Variants in GSG1 observed in about 807,000 individuals in gnomAD.
GSG1 encodes the protein germ cell associated 1, also known as germ cell-specific gene 1 protein.
GSG1 carries 28 observed loss-of-function variants against 30.8 expected under a neutral mutation model. The observed-to-expected ratio is 0.91, with a 90% CI of 0.67 to 1.25. The LOEUF (loss-of-function observed/expected upper bound fraction) is 1.25. Among genes scored for constraint, GSG1 ranks in the 50% most tolerant of loss-of-function variants. The pLI, the probability that GSG1 is intolerant of heterozygous loss-of-function variation, is 0.00. For synonymous variants in GSG1, 162 were observed against 178.0 expected (o/e 0.91, Z 0.71); for missense variants, 435 against 444.7 (o/e 0.98, Z 0.20).
intron 4 of GSG1, 146 bp from the exon 5 acceptor site, chr12:13,088,205 C>G (rs1357209903): frequency 3.7e-6 from 3 of 813,200 alleles, no homozygotes; most frequent in Middle Eastern, 3.6e-4. Context: ...CAGGGAGGAA[C>G]ATTACTTCAT....
Position 13,090,601 on chromosome 12 carries a change from A to G in GSG1, c.266T>C (p.Val89Ala). The change falls in exon 2 of 7, where the codon GTG becomes GCG. Residue 89 changes from valine to alanine, a missense_variant. Physicochemically the swap from Val to Ala is moderately conservative, Grantham distance 64 (BLOSUM62 0). Coordinates refer to ENST00000651961, the MANE Select transcript of GSG1 (RefSeq NM_001080555.4). Reference sequence around the variant, plus strand: ...CCCAGTCTCCCAGTTGTATTGTACCACCTCCTGGGTGGATGTGTTGGTATC... The same window carrying G: ...CCCAGTCTCCCAGTTGTATTGTACCGCCTCCTGGGTGGATGTGTTGGTATC... ...DGDTNTSTQE[V>A]VQYNWETGDD... 1 of 1,613,994 alleles carries G rather than the reference A, an allele frequency of 6.2e-7. No homozygotes were observed. The highest frequency in any genetic ancestry group is 8.5e-7 in the Non-Finnish European group (1 of 1,180,000).
At chr12:13,095,613 G>A in intron 1 of GSG1, 1 of 1,614,208 alleles carries the variant, frequency 6.2e-7, no homozygotes, top group Non-Finnish European at 8.5e-7. Context: ...GCCATGGTCA[G>A]CGTCTTGCAG....
rs1308512071 is a variant in GSG1 at position 13,083,878 on chromosome 12, G to C, written c.*1023C>G. On this transcript the variant is annotated 3_prime_UTR_variant, in exon 7 of 7. Transcript: ENST00000651961. ...AGGGCATAAACTCATCCTTCTTTAT[G>C]GCTGCATAGTATTCCATGGTGTATA... The C allele has an allele frequency of 6.6e-6, 1 of 151,978 alleles. No homozygotes were observed. The highest frequency in any genetic ancestry group is 2.4e-5 in the African/African-American group (1 of 41,336). The allele number at this position is 151,978 out of a possible 1,614,324, so 9.4% of individuals were successfully genotyped here. A position where few individuals can be genotyped will look rare whatever the true frequency, so the allele number is the denominator to read the frequency against.
At chr12:13,092,128 G>A (rs1866206861) in intron 1 of GSG1, among the ~76,000 whole-genome samples, 1 of 152,234 alleles carries the variant, frequency 6.6e-6, no homozygotes, top group Non-Finnish European at 1.5e-5. Flanking sequence ...TTAGAATGAG[G>A]AATGCAGAAG....
intron 1 of GSG1, among the ~76,000 whole-genome samples, chr12:13,092,375 G>A (rs541758054): frequency 1.3e-5 from 2 of 151,734 alleles, no homozygotes; most frequent in Non-Finnish European, 2.9e-5. Flanking sequence ...CAGATTGAGC[G>A]AGAGAGAGAG....
chr12:13,091,746 A>G (rs564615225), intron 1 of GSG1, among the ~76,000 whole-genome samples: 5 of 152,326 alleles, frequency 3.3e-5, no homozygotes, highest in African/African-American at 1.2e-4. Context: ...ATGTCCAATC[A>G]TATTTCTATG....
intron 4 of GSG1, 25 bp downstream of exon 4, chr12:13,088,837 G>T: frequency 6.2e-7 from 1 of 1,614,158 alleles, no homozygotes; most frequent in Non-Finnish European, 8.5e-7. Context: ...TTGCAACGTG[G>T]CAAATTCCAG....
intron 4 of GSG1, 38 bp downstream of exon 4, chr12:13,088,824 G>A: frequency 1.2e-6 from 2 of 1,614,168 alleles, no homozygotes; most frequent in South Asian, 1.1e-5. Flanking sequence ...GGTGACATGG[G>A]CCTTGCAACG....
Position 13,087,943 on chromosome 12 carries a change from G to T in GSG1, c.598C>A (p.Leu200Met). Residue 200 changes from leucine (L) to methionine (M), a missense_variant, in exon 5 of 7, where the codon CTG (leucine) becomes ATG (methionine). Coordinates refer to ENST00000651961, the MANE Select transcript of GSG1 (RefSeq NM_001080555.4). ...LTGNPACGLK[L>M]SAFAAVSSVL... ...GAGGAAACAGCAGCAAAGGCGCTCA[G>T]TTTGAGCCCACAGGCAGGGTTCCCA... 1 of 1,614,208 alleles carries T rather than the reference G, an allele frequency of 6.2e-7. No homozygotes were observed. The highest frequency in any genetic ancestry group is 8.5e-7 in the Non-Finnish European group (1 of 1,180,034).
rs756934437 is a variant in GSG1, at chr12:13,090,545, T to C, written c.322A>G (p.Ser108Gly). The C allele has an allele frequency of 6.2e-7, 1 of 1,614,096 alleles. No individual in the cohort carries two copies. Among genetic ancestry groups the C allele is most frequent in the Admixed American group, 1.7e-5 (1 of 60,034 alleles). ...DDRFSFRSFR[S>G]GMWLSCEETV... Reference sequence around the variant, plus strand: ...TCCTCACAGGATAGCCACATGCCACTCCGGAAGCTCCGGAAGGAGAACCGG... The same window carrying C: ...TCCTCACAGGATAGCCACATGCCACCCCGGAAGCTCCGGAAGGAGAACCGG... The change falls in exon 2 of 7, where the codon AGT becomes GGT. Residue 108 changes from serine to glycine, a missense_variant. Physicochemically the swap from Ser to Gly is moderately conservative, Grantham distance 56 (BLOSUM62 0). Transcript: ENST00000651961.
At chr12:13,099,115 T>A (rs1053527438) in intron 1 of GSG1, among the ~76,000 whole-genome samples, 2 of 152,084 alleles carry the variant, frequency 1.3e-5, no homozygotes, top group Admixed American at 6.5e-5. Flanking sequence ...CAGTCTTGAT[T>A]CCCCCTCCCC....
chr12:13,087,558 A>T (rs915827002), intron 5 of GSG1, among the ~76,000 whole-genome samples: 1 of 152,062 alleles, frequency 6.6e-6, no homozygotes, highest in Non-Finnish European at 1.5e-5. Context: ...CCACACCCCA[A>T]TGTTGGCTTA....
At chr12:13,086,370 A>C (rs1239380647) in intron 6 of GSG1, among the ~76,000 whole-genome samples, 4 of 152,302 alleles carry the variant, frequency 2.6e-5, no homozygotes, top group East Asian at 3.9e-4. Flanking sequence ...AGGGCCTCAC[A>C]ACAGACTTGC....
intron 1 of GSG1, among the ~76,000 whole-genome samples, chr12:13,096,146 A>G (rs1413188519): frequency 6.6e-6 from 1 of 152,160 alleles, no homozygotes; most frequent in South Asian, 2.1e-4. Context: ...TCCTTGTTCC[A>G]TGGGTGGTCT....
chr12:13,098,773 C>T (rs1299010567), intron 1 of GSG1, among the ~76,000 whole-genome samples: 2 of 152,074 alleles, frequency 1.3e-5, no homozygotes, highest in African/African-American at 4.8e-5. Context: ...ATTGCCTCTG[C>T]TCATAAACTG....
intron 1 of GSG1, among the ~76,000 whole-genome samples, chr12:13,091,271 C>G (rs1866110174): frequency 6.6e-6 from 1 of 152,206 alleles, no homozygotes; most frequent in Non-Finnish European, 1.5e-5. Context: ...GTTATCTGAC[C>G]TAGCTTGTGT....
chr12:13,096,625 A>G (rs538863559), intron 1 of GSG1, among the ~76,000 whole-genome samples: 2 of 152,244 alleles, frequency 1.3e-5, no homozygotes, highest in East Asian at 3.9e-4. Flanking sequence ...TGCCATGGCT[A>G]TTTACCATTC....
At chr12:13,091,246 A>G (rs1018529187) in intron 1 of GSG1, among the ~76,000 whole-genome samples, 10 of 152,174 alleles carry the variant, frequency 6.6e-5, no homozygotes, top group African/African-American at 1.4e-4. Flanking sequence ...CCGTGTCCAA[A>G]CTGGCCCTAA....
At chr12:13,092,726 T>C (rs1212820887) in intron 1 of GSG1, among the ~76,000 whole-genome samples, 1 of 152,094 alleles carries the variant, frequency 6.6e-6, no homozygotes, top group Non-Finnish European at 1.5e-5. Context: ...CTGAGTAAAT[T>C]GAGGGTGTTC....
Sources: allele counts gnomAD v4.1 joint callset (sites outside exome capture counted in the v4.1 genomes callset), GRCh38; gene constraint gnomAD v4.1.1; transcripts MANE v1.5; gene names NCBI Gene and HGNC (gene_info 2026-07-23, HGNC 2026-07-21).